The following PGGT1B variants were observed in gnomAD, a reference collection of about 807,000 sequenced individuals.
PGGT1B encodes the protein protein geranylgeranyltransferase type I subunit beta, also known as geranylgeranyl transferase type-1 subunit beta.
PGGT1B carries 30 observed loss-of-function variants against 46.1 expected under a neutral mutation model. The ratio of observed to expected loss-of-function variants is 0.65; its 90% CI spans 0.49 to 0.88. The LOEUF (loss-of-function observed/expected upper bound fraction) is 0.88, where lower values mean the gene tolerates loss of function less well. PGGT1B is among the 40% of genes least tolerant of loss of function. The probability of loss-of-function intolerance (pLI) is 0.00; values close to 1 mark genes in which losing one functional copy is unlikely to be tolerated. For synonymous variants in PGGT1B, 170 were observed against 160.0 expected, an observed-to-expected ratio of 1.06 and a Z score of -0.47; for missense variants, 376 against 455.9, an observed-to-expected ratio of 0.82 and a Z score of 1.60.
intron 6 of PGGT1B, among the ~76,000 whole-genome samples, chr5:115,225,780 G>C (rs536712095): frequency 1.5e-4 from 22 of 151,722 alleles, no homozygotes; most frequent in African/African-American, 5.1e-4. Context: ...CGAGTAGCTA[G>C]GATTACAGGT....
chr5:115,236,561 TG>T, intron 4 of PGGT1B, 39 bp from the exon 5 acceptor site: 1 of 1,431,240 alleles, frequency 7.0e-7, no homozygotes, highest in East Asian at 2.7e-5. Context: ...CTATTAACAC[TG>T]GACTCTGATT....
At position 115,211,268 on chromosome 5, in the gene PGGT1B, T is replaced by A. The variant is rs761837104; in HGVS notation, c.*1134A>T. The A allele has an allele frequency of 1.9e-4, 29 of 152,052 alleles. No homozygotes were observed. The highest frequency in any genetic ancestry group is 3.3e-4 in the Admixed American group (5 of 15,252). The allele number at this position is 152,052 out of a possible 1,614,324, so 9.4% of individuals were successfully genotyped here. On this transcript the variant is annotated 3_prime_UTR_variant, in exon 9 of 9. Transcript: ENST00000419445. ...AAGAGTTTTTATACTACCTCCTTTA[T>A]AATTAGCTAGTTCATAGACTTAAAA... is the stretch of plus-strand genomic sequence containing the variant.
intron 1 of PGGT1B, among the ~76,000 whole-genome samples, chr5:115,255,258 C>G (rs1206316529): frequency 1.3e-5 from 2 of 152,246 alleles, no homozygotes; most frequent in Middle Eastern, 3.4e-3. Flanking sequence ...TGGTTGTAAC[C>G]ATTTTCCCCA....
In PGGT1B at chr5:115,208,784, G is replaced by C. The variant is rs1188815370; in HGVS notation, c.*3618C>G. 1 of 151,682 alleles carries C rather than the reference G, an allele frequency of 6.6e-6. No homozygotes were observed. Among genetic ancestry groups the C allele is most frequent in the African/African-American group, 2.4e-5 (1 of 41,288 alleles). 9.4% of individuals were successfully genotyped at this position (151,682 alleles called of 1,614,324 possible). On this transcript the variant is annotated 3_prime_UTR_variant, in exon 9 of 9. Coordinates refer to ENST00000419445, the MANE Select transcript of PGGT1B (RefSeq NM_005023.4). ...TTTTACTCCAAGTGTTTGGTACTTGGTTAATTTTCCCCTTTTCCTACTTTT... is the reference window on the plus strand; with the variant it reads ...TTTTACTCCAAGTGTTTGGTACTTGCTTAATTTTCCCCTTTTCCTACTTTT...
At chr5:115,259,604 G>A (rs1401153467) in intron 1 of PGGT1B, among the ~76,000 whole-genome samples, 4 of 147,088 alleles carry the variant, frequency 2.7e-5, no homozygotes, top group South Asian at 2.1e-4. Flanking sequence ...CAGGAGAATC[G>A]CTTGAACCCA....
At chr5:115,213,295 G>A (rs983716460) in intron 8 of PGGT1B, among the ~76,000 whole-genome samples, 4 of 152,148 alleles carry the variant, frequency 2.6e-5, no homozygotes, top group African/African-American at 9.7e-5. Context: ...AGGGGGCAGC[G>A]ATCCTCTTCT....
chr5:115,234,981 G>T (rs1205882423), intron 5 of PGGT1B, among the ~76,000 whole-genome samples: 1 of 152,002 alleles, frequency 6.6e-6, no homozygotes, highest in Non-Finnish European at 1.5e-5. Context: ...TTAGTACCCA[G>T]ATTCTAGTTT....
intron 6 of PGGT1B, among the ~76,000 whole-genome samples, chr5:115,230,724 A>G (rs930130948): frequency 6.6e-6 from 1 of 152,150 alleles, no homozygotes; most frequent in Non-Finnish European, 1.5e-5. Flanking sequence ...TTTCATGCAG[A>G]TAACACTTGA....
At chr5:115,226,253 A>T (rs1210256617) in intron 6 of PGGT1B, among the ~76,000 whole-genome samples, 1 of 152,110 alleles carries the variant, frequency 6.6e-6, no homozygotes, top group East Asian at 1.9e-4. Context: ...GAGCGCCTGC[A>T]TGACACTCAA....
intron 8 of PGGT1B, among the ~76,000 whole-genome samples, chr5:115,213,816 CTT>C (rs1756322398): frequency 6.6e-6 from 1 of 152,092 alleles, no homozygotes; most frequent in Middle Eastern, 3.2e-3. Flanking sequence ...CCACATCAAA[CTT>C]TGTCAAAAGA....
At chr5:115,225,429 C>T (rs945619650) in intron 6 of PGGT1B, among the ~76,000 whole-genome samples, 2 of 152,150 alleles carry the variant, frequency 1.3e-5, no homozygotes, top group Non-Finnish European at 2.9e-5. Flanking sequence ...TATATTTTAA[C>T]AGTGTAACAG....
rs772974485 is a variant in PGGT1B at position 115,238,020 on chromosome 5, AATT to A, written c.328-14_328-12del. 7 of 1,575,012 alleles carry A rather than the reference AATT, an allele frequency of 4.4e-6. No homozygotes were observed. The East Asian group carries it at 1.3e-4, about 30-fold the overall frequency. On this transcript the variant is annotated splice_polypyrimidine_tract_variant and intron_variant, in intron 3 of 8. Transcript: ENST00000419445. ...AGCTGTTCCAGGAGCCTAAATACAA[AATT>A]AATATAGTACTAATTAATGAAGTGA...
At chr5:115,215,393 G>A (rs757432029) in intron 8 of PGGT1B, among the ~76,000 whole-genome samples, 2 of 152,116 alleles carry the variant, frequency 1.3e-5, no homozygotes, top group African/African-American at 2.4e-5. Context: ...CTGCCTCCCA[G>A]GTTCAGGCAA....
In PGGT1B at chr5:115,262,635, T is replaced by G. The variant is rs1020103829; in HGVS notation, c.140+77A>C. 2.7e-6 allele frequency: 4 copies of G among 1,500,962 alleles called. No individual in the cohort carries two copies. In the African/African-American group the frequency reaches 4.2e-5, roughly 16 times the overall value. 93.0% of individuals were successfully genotyped at this position (1,500,962 alleles called of 1,614,324 possible). A position where few individuals can be genotyped will look rare whatever the true frequency, so the allele number is the denominator to read the frequency against. The stretch of plus-strand genomic sequence containing the variant: ...GCGCAGCCCCCTTCCGGCGCCCAGT[T>G]TGCGGTCCGACTCCGCCGCGCCTTT... On this transcript the variant is annotated intron_variant, in intron 1 of 8. Coordinates refer to ENST00000419445, the MANE Select transcript of PGGT1B (RefSeq NM_005023.4).
rs575243554 is a variant in PGGT1B, at chr5:115,250,776, C to T, written c.259+2361G>A. On this transcript the variant is annotated intron_variant, in intron 2 of 8. Coordinates refer to ENST00000419445, the MANE Select transcript of PGGT1B (RefSeq NM_005023.4). Reference sequence around the variant, plus strand: ...ACTCAGCTCAAGAAAAAGTACATGACTAGCACTCCAGAAGCCTCTCCCACT... The same window carrying T: ...ACTCAGCTCAAGAAAAAGTACATGATTAGCACTCCAGAAGCCTCTCCCACT... 5.3e-5 allele frequency among the ~76,000 whole-genome samples: 8 copies of T among 152,286 alleles called. No homozygotes were observed. In the East Asian group the frequency reaches 5.8e-4, roughly 11 times the overall value.
intron 2 of PGGT1B, among the ~76,000 whole-genome samples, chr5:115,245,701 C>A (rs952295514): frequency 9.2e-5 from 14 of 152,178 alleles, no homozygotes; most frequent in Admixed American, 7.2e-4. Context: ...TCAAGGAAAG[C>A]TTTTTTAAAG....
At position 115,206,498 on chromosome 5, in the gene PGGT1B, T is replaced by C. The variant is rs2126979675; in HGVS notation, c.*5904A>G. ...AACTTGAGATGCTGCCTTTACTGTA[T>C]TCTAAATGCCACTGAGTCTATTTCT... On this transcript the variant is annotated 3_prime_UTR_variant, in exon 9 of 9. Transcript: ENST00000419445. The C allele has an allele frequency of 6.6e-6, 1 of 152,170 alleles. No homozygotes were observed. The highest frequency in any genetic ancestry group is 3.4e-3 in the Middle Eastern group (1 of 294). 9.4% of individuals were successfully genotyped at this position (152,170 alleles called of 1,614,324 possible).
rs541734112 is a variant in PGGT1B, at chr5:115,227,876, C to T, written c.658+3100G>A. 5.3e-5 allele frequency among the ~76,000 whole-genome samples: 8 copies of T among 152,210 alleles called. No individual in the cohort carries two copies. The South Asian group carries it at 1.7e-3, about 32-fold the overall frequency. On this transcript the variant is annotated intron_variant, in intron 6 of 8. Transcript: ENST00000419445. ...TCAGATGGTAGTGGGCAAACAGCAG[C>T]TGGTTAATAAATACATTATTTTCCT...
intron 2 of PGGT1B, among the ~76,000 whole-genome samples, chr5:115,246,814 G>A (rs1747868444): frequency 6.6e-6 from 1 of 152,152 alleles, no homozygotes; most frequent in Non-Finnish European, 1.5e-5. Flanking sequence ...ATATACTTTT[G>A]TAGAACTATA....
Sources: allele counts gnomAD v4.1 joint callset (sites outside exome capture counted in the v4.1 genomes callset), GRCh38; gene constraint gnomAD v4.1.1; transcripts MANE v1.5; gene names NCBI Gene and HGNC (gene_info 2026-07-23, HGNC 2026-07-21).